The following MMP16 variants were observed in gnomAD, a reference collection of about 807,000 sequenced individuals.
MMP16 encodes matrix metallopeptidase 16.
A neutral mutation model predicts 67.8 loss-of-function variants in MMP16; 12 were observed. The ratio of observed to expected loss-of-function variants is 0.18; its 90% CI spans 0.11 to 0.29. The LOEUF (loss-of-function observed/expected upper bound fraction) is 0.29, where lower values mean the gene tolerates loss of function less well. Ranked by LOEUF, MMP16 falls within the 10% of genes least tolerant of loss-of-function variation. The pLI is 1.00. For missense variants in MMP16, 475 were observed against 765.7 expected (o/e 0.62, Z 4.48); for synonymous variants, 249 against 255.9 (o/e 0.97, Z 0.26).
chr8:88,057,634 A>C (rs1808348096), intron 7 of MMP16, among the ~76,000 whole-genome samples: 1 of 152,166 alleles, frequency 6.6e-6, no homozygotes, highest in Admixed American at 6.6e-5. Flanking sequence ...AGGGTCTTCA[A>C]AAAATTTTAA....
At chr8:88,085,986 C>A (rs1808827335) in intron 6 of MMP16, among the ~76,000 whole-genome samples, 1 of 150,612 alleles carries the variant, frequency 6.6e-6, no homozygotes, top group South Asian at 2.1e-4. Context: ...AAAATGCATA[C>A]TCATTCATGA....
intron 1 of MMP16, among the ~76,000 whole-genome samples, chr8:88,316,957 G>C (rs1290980955): frequency 6.6e-6 from 1 of 152,154 alleles, no homozygotes; most frequent in East Asian, 1.9e-4. Flanking sequence ...GAGGGAATTA[G>C]AAGTGGAACC....
chr8:88,294,406 A>G (rs1810975398), intron 1 of MMP16, among the ~76,000 whole-genome samples: 1 of 141,912 alleles, frequency 7.0e-6, no homozygotes, highest in Admixed American at 6.8e-5. Context: ...ATATGTATAT[A>G]CATATATACA....
At chr8:88,087,251 A>G (rs1808848799) in intron 6 of MMP16, among the ~76,000 whole-genome samples, 1 of 151,904 alleles carries the variant, frequency 6.6e-6, no homozygotes, top group Non-Finnish European at 1.5e-5. Context: ...ACTCTTTCCC[A>G]TAAGCATCAT....
chr8:88,274,834 C>T (rs1563580931), intron 1 of MMP16, among the ~76,000 whole-genome samples: 2 of 152,014 alleles, frequency 1.3e-5, no homozygotes, highest in Middle Eastern at 6.9e-3. Context: ...ATCAGAGCAA[C>T]TGACATCACT....
chr8:88,186,786 G>A (rs1809081801), intron 2 of MMP16, among the ~76,000 whole-genome samples, 188 bp from the exon 3 acceptor site: 6 of 152,194 alleles, frequency 3.9e-5, no homozygotes, highest in Admixed American at 3.3e-4. Context: ...AGATAGCATA[G>A]TTTTTCCTGA....
intron 1 of MMP16, among the ~76,000 whole-genome samples, chr8:88,207,375 G>T (rs1809445549): frequency 6.6e-6 from 1 of 152,102 alleles, no homozygotes; most frequent in South Asian, 2.1e-4. Context: ...TGCTGAAAAC[G>T]CTATGTGATG....
chr8:88,041,698 A>G lies in MMP16; in HGVS notation c.1587T>C (p.Phe529=). 6.2e-7 allele frequency: 1 copy of G among 1,614,060 alleles called. No homozygotes were observed. Among genetic ancestry groups the G allele is most frequent in the Admixed American group, 1.7e-5 (1 of 59,978 alleles). Residue 529 remains phenylalanine (F), a synonymous_variant, in exon 10 of 10, where the codon TTT becomes TTC. Transcript: ENST00000286614. The surrounding 1 kb of genome is among the most constrained non-coding windows in gnomAD (Gnocchi z 6.0). ...PGYPRSILKD[F]MGCDGPTDRV... is the part of the protein sequence containing the mutation. ...TGTCTGTTGGTCCATCACAGCCCATAAAATCCTTGAGGATGGATCTTGGAT... is the reference window on the plus strand; with the variant it reads ...TGTCTGTTGGTCCATCACAGCCCATGAAATCCTTGAGGATGGATCTTGGAT...
intron 6 of MMP16, among the ~76,000 whole-genome samples, chr8:88,084,299 CTTGTTAGGCCAAGTTT>C (rs1021023420): frequency 2.6e-5 from 4 of 151,884 alleles, no homozygotes; most frequent in African/African-American, 9.7e-5. Context: ...AGAAGCAAAA[CTTGTTAGGCCAAGTTT>C]TTGTTAGGCC....
At position 88,121,649 on chromosome 8, in the gene MMP16, A is replaced by G. The variant is rs532148692; in HGVS notation, c.710-2788T>C. On this transcript the variant is annotated intron_variant, in intron 4 of 9. Coordinates refer to ENST00000286614, the MANE Select transcript of MMP16 (RefSeq NM_005941.5). ...TTTATCACCAAGCAGGCAACAAAGG[A>G]GAAATCAGTCTCTTGGTTCTTAATA... Among the ~76,000 whole-genome samples, 7 of 152,158 alleles carry G rather than the reference A, an allele frequency of 4.6e-5. No individual in the cohort carries two copies. In the East Asian group the frequency reaches 9.7e-4, roughly 21 times the overall value.
intron 2 of MMP16, among the ~76,000 whole-genome samples, chr8:88,191,515 C>A (rs1809168551): frequency 6.6e-6 from 1 of 152,104 alleles, no homozygotes; most frequent in African/African-American, 2.4e-5. Context: ...TGATGTGCTT[C>A]ACCTCCCTTT....
chr8:88,283,125 T>C (rs1810767372), intron 1 of MMP16, among the ~76,000 whole-genome samples: 1 of 152,220 alleles, frequency 6.6e-6, no homozygotes, highest in African/African-American at 2.4e-5. Context: ...GAGGCATTTA[T>C]TAAATGAGCA....
At chr8:88,300,872 T>G (rs1811087323) in intron 1 of MMP16, among the ~76,000 whole-genome samples, 1 of 151,890 alleles carries the variant, frequency 6.6e-6, no homozygotes, top group African/African-American at 2.4e-5. Context: ...CACCAGCTAA[T>G]GAAATGGCAT....
intron 4 of MMP16, among the ~76,000 whole-genome samples, chr8:88,123,548 A>T (rs752780686): frequency 1.1e-4 from 17 of 151,734 alleles, no homozygotes; most frequent in Non-Finnish European, 1.8e-4. Context: ...AGTCTGACAG[A>T]CGGGTCTGAA....
chr8:88,306,642 T>A (rs1272121248), intron 1 of MMP16, among the ~76,000 whole-genome samples: 1 of 152,140 alleles, frequency 6.6e-6, no homozygotes. Context: ...AATCAGTAAA[T>A]GTGATTCATC....
chr8:88,177,827 G>C (rs1586190847), intron 3 of MMP16, among the ~76,000 whole-genome samples: 2 of 151,912 alleles, frequency 1.3e-5, no homozygotes, highest in East Asian at 3.9e-4. Flanking sequence ...CACTCAAAAG[G>C]ACTTAATCAC....
At chr8:88,221,573 C>CG (rs1345000515) in intron 1 of MMP16, among the ~76,000 whole-genome samples, 7 of 150,636 alleles carry the variant, frequency 4.6e-5, no homozygotes, top group African/African-American at 1.5e-4. Context: ...GAGAATTCTA[C>CG]CAAAAAAAAT....
intron 1 of MMP16, among the ~76,000 whole-genome samples, chr8:88,220,508 C>G (rs1809664429): frequency 6.6e-6 from 1 of 151,722 alleles, no homozygotes; most frequent in Non-Finnish European, 1.5e-5. Flanking sequence ...GAGAACTGTT[C>G]ACATTCAGAT....
At chr8:88,219,343 A>C (rs1436698369) in intron 1 of MMP16, among the ~76,000 whole-genome samples, 4 of 147,388 alleles carry the variant, frequency 2.7e-5, no homozygotes, top group Non-Finnish European at 6.1e-5. Context: ...GGCAGAGGCA[A>C]TAGCAATCAT....
Sources: gnomAD v4.1 joint callset for allele counts (sites outside exome capture counted in the v4.1 genomes callset) on GRCh38, gnomAD v4.1.1 for gene constraint, Gnocchi (gnomAD v3.1) non-coding constraint, MANE v1.5 for transcripts, NCBI Gene and HGNC (gene_info 2026-07-23, HGNC 2026-07-21) for gene names.